SEMA6D: variants seen among roughly 807,000 people sequenced by gnomAD.
The protein encoded by SEMA6D is semaphorin-6D.
A neutral mutation model predicts 106.6 loss-of-function variants in SEMA6D; 35 were observed. That is an observed-to-expected ratio of 0.33 (90% CI 0.25 to 0.44). The LOEUF is 0.44. Ranked by LOEUF, SEMA6D falls within the 20% of genes least tolerant of loss-of-function variation. The probability of loss-of-function intolerance (pLI) is 1.00; values close to 1 mark genes in which losing one functional copy is unlikely to be tolerated. For synonymous variants in SEMA6D, 499 were observed against 487.7 expected, an observed-to-expected ratio of 1.02 and a Z score of -0.31; for missense variants, 1,185 against 1,345.9, an observed-to-expected ratio of 0.88 and a Z score of 1.87.
intron 1 of SEMA6D, chr15:47,399,427 T>C (rs1193470375): frequency 1.3e-5 from 2 of 152,236 alleles, no homozygotes; most frequent in Non-Finnish European, 1.5e-5. Context: ...TTGATAAGTG[T>C]ACATCCACCG....
chr15:47,454,747 CT>C (rs894015213), intron 2 of SEMA6D, among the ~76,000 whole-genome samples: 17 of 151,934 alleles, frequency 1.1e-4, no homozygotes, highest in Admixed American at 3.3e-4. Flanking sequence ...GTCCTGAAGA[CT>C]TTTCATTACA....
intron 1 of SEMA6D, among the ~76,000 whole-genome samples, chr15:47,755,275 A>C (rs769977340): frequency 1.3e-5 from 2 of 152,018 alleles, no homozygotes; most frequent in Non-Finnish European, 2.9e-5. Flanking sequence ...ATTCTTTTTT[A>C]TAGATTCCAG....
chr15:47,602,440 T>C (rs562824412), intron 4 of SEMA6D, among the ~76,000 whole-genome samples: 2 of 152,286 alleles, frequency 1.3e-5, no homozygotes, highest in South Asian at 4.1e-4. Context: ...ATTAGAATTC[T>C]GAGAATTTTC....
intron 1 of SEMA6D, among the ~76,000 whole-genome samples, chr15:47,745,238 T>C (rs1490699279): frequency 6.6e-6 from 1 of 152,250 alleles, no homozygotes; most frequent in Non-Finnish European, 1.5e-5. Flanking sequence ...GTGATTTTTA[T>C]GGTGCTTACC....
Position 47,764,324 on chromosome 15 carries a change from A to G in SEMA6D, c.1097+19A>G, listed in dbSNP as rs776008109. On this transcript the variant is annotated intron_variant, in intron 11 of 18. Transcript: ENST00000536845. ...AGCCAAGGTAAATAAAAAAGTAGAAAAGGGTTTTGTCTTGAACAAAACCTT... is the reference window on the plus strand; with the variant it reads ...AGCCAAGGTAAATAAAAAAGTAGAAGAGGGTTTTGTCTTGAACAAAACCTT... 2 of 1,608,704 alleles carry G rather than the reference A, an allele frequency of 1.2e-6. No individual in the cohort carries two copies. The highest frequency in any genetic ancestry group is 2.2e-5 in the South Asian group (2 of 90,116).
intron 4 of SEMA6D, among the ~76,000 whole-genome samples, chr15:47,700,920 A>C (rs986016233): frequency 6.6e-6 from 1 of 152,214 alleles, no homozygotes; most frequent in Admixed American, 6.5e-5. Context: ...TTGGAAAAAA[A>C]CATTAATCTA....
intron 1 of SEMA6D, among the ~76,000 whole-genome samples, chr15:47,320,069 A>G (rs528345580): frequency 1.3e-5 from 2 of 152,214 alleles, no homozygotes; most frequent in South Asian, 4.1e-4. Flanking sequence ...CTTTAAAAAC[A>G]TATGTTCACC....
intron 2 of SEMA6D, among the ~76,000 whole-genome samples, chr15:47,416,636 A>G (rs1490657911): frequency 2.0e-5 from 3 of 152,086 alleles, no homozygotes; most frequent in East Asian, 1.9e-4. Flanking sequence ...CTGTTCAATC[A>G]CTGACCTCTG....
At chr15:47,239,390 A>G (rs1007146749) in intron 1 of SEMA6D, among the ~76,000 whole-genome samples, 4 of 152,204 alleles carry the variant, frequency 2.6e-5, no homozygotes, top group Non-Finnish European at 5.9e-5. Flanking sequence ...CACTTGAATA[A>G]TTCCAAAACC....
rs868849797 is a variant in SEMA6D, at chr15:47,598,964, G to A, written c.-86-1901G>A. On this transcript the variant is annotated intron_variant, in intron 3 of 19. Transcript: ENST00000558014. Reference sequence around the variant, plus strand: ...GGCTTGGCACTTAGCACAGCCTGACGTCACTTTTCATATCATCCTAAGTCT... The same window carrying A: ...GGCTTGGCACTTAGCACAGCCTGACATCACTTTTCATATCATCCTAAGTCT... 3.9e-5 allele frequency among the ~76,000 whole-genome samples: 6 copies of A among 152,044 alleles called. No individual in the cohort carries two copies. In the East Asian group the frequency reaches 5.8e-4, roughly 15 times the overall value.
In SEMA6D at chr15:47,269,532, T is replaced by C. The variant is rs537697696; in HGVS notation, c.-239+85114T>C. ...TACTGTACATTAATTCAAGAGGCTA[T>C]TTTTACTTTTATCTTTAATCCCACT... On this transcript the variant is annotated intron_variant, in intron 1 of 19. Coordinates refer to the SEMA6D transcript ENST00000558014. Among the ~76,000 whole-genome samples, 243 of 152,278 alleles carry C rather than the reference T, an allele frequency of 1.6e-3. 1 individual carries two copies. Among genetic ancestry groups the C allele is most frequent in the Admixed American group, 3.1e-3 (47 of 15,286 alleles).
chr15:47,204,355 C>T (rs937007696), intron 1 of SEMA6D, among the ~76,000 whole-genome samples: 3 of 152,058 alleles, frequency 2.0e-5, no homozygotes, highest in Non-Finnish European at 4.4e-5. Context: ...ATGGACTATT[C>T]AGTTTGTGTG....
At chr15:47,630,620 C>T (rs138306552) in intron 4 of SEMA6D, among the ~76,000 whole-genome samples, 3 of 151,766 alleles carry the variant, frequency 2.0e-5, no homozygotes, top group African/African-American at 7.2e-5. Context: ...GACTAAGACT[C>T]CCAATACTGT....
At chr15:47,544,600 C>T (rs2045459625) in intron 3 of SEMA6D, among the ~76,000 whole-genome samples, 1 of 152,036 alleles carries the variant, frequency 6.6e-6, no homozygotes, top group African/African-American at 2.4e-5. Context: ...ACATGTCATC[C>T]AAGAAGTCCT....
intron 1 of SEMA6D, among the ~76,000 whole-genome samples, chr15:47,287,687 C>T (rs924972628): frequency 1.3e-5 from 2 of 152,176 alleles, no homozygotes; most frequent in Non-Finnish European, 2.9e-5. Context: ...CCAGCATTCT[C>T]TGAGATCATC....
At position 47,628,893 on chromosome 15, in the gene SEMA6D, T is replaced by G. The variant is rs148615977; in HGVS notation, c.-55+27997T>G. Among the ~76,000 whole-genome samples the G allele has an allele frequency of 1.8e-4, 27 of 152,208 alleles. 1 individual carries two copies. The highest frequency in any genetic ancestry group is 6.5e-4 in the African/African-American group (27 of 41,570). Reference sequence around the variant, plus strand: ...TCACATGTAAGTCTGAAATTCATTTTGAGATAATTTTTATAGAAGCCGTGA... The same window carrying G: ...TCACATGTAAGTCTGAAATTCATTTGGAGATAATTTTTATAGAAGCCGTGA... On this transcript the variant is annotated intron_variant, in intron 4 of 19. Transcript: ENST00000558014.
At chr15:47,592,983 T>C (rs537305153) in intron 3 of SEMA6D, among the ~76,000 whole-genome samples, 7 of 152,296 alleles carry the variant, frequency 4.6e-5, no homozygotes, top group African/African-American at 1.7e-4. Context: ...GTACAGATCA[T>C]ACAAAGATAG....
chr15:47,238,109 G>T (rs188864705), intron 1 of SEMA6D, among the ~76,000 whole-genome samples: 3 of 152,090 alleles, frequency 2.0e-5, no homozygotes, highest in Admixed American at 6.5e-5. Flanking sequence ...TTGCTGTAGT[G>T]CATTTTTATT....
chr15:47,433,971 T>C (rs936417069), intron 2 of SEMA6D, among the ~76,000 whole-genome samples: 1 of 152,136 alleles, frequency 6.6e-6, no homozygotes, highest in Non-Finnish European at 1.5e-5. Context: ...ATCTACATAC[T>C]GAATATTAAG....
Sources: allele counts gnomAD v4.1 joint callset (sites outside exome capture counted in the v4.1 genomes callset), GRCh38; gene constraint gnomAD v4.1.1; transcripts MANE v1.5; gene names NCBI Gene and HGNC (gene_info 2026-07-23, HGNC 2026-07-21).